Variants in ALMS1 observed in about 807,000 individuals in gnomAD.
The protein encoded by ALMS1 is ALMS1 centrosome and basal body associated protein, also known as centrosome-associated protein ALMS1.
In ALMS1, 271 loss-of-function variants were observed where a neutral mutation model predicts 352.2. The ratio of observed to expected loss-of-function variants is 0.77; its 90% CI spans 0.70 to 0.85. ALMS1 has a LOEUF of 0.85. Among genes scored for constraint, ALMS1 ranks in the 40% least tolerant of loss-of-function variants. ALMS1 has a pLI of 0.00. For synonymous variants in ALMS1, 1,865 were observed against 1,761.2 expected (o/e 1.06, Z -1.48); for missense variants, 5,445 against 4,870.7 (o/e 1.12, Z -3.51).
intron 16 of ALMS1, among the ~76,000 whole-genome samples, chr2:73,594,224 G>A (rs1389773760): frequency 6.8e-6 from 1 of 147,506 alleles, no homozygotes; most frequent in Non-Finnish European, 1.5e-5. Context: ...CCACATCCTA[G>A]TGAACAGTTG....
chr2:73,425,259 AATG>A (rs1274695597), intron 5 of ALMS1, among the ~76,000 whole-genome samples: 3 of 152,320 alleles, frequency 2.0e-5, no homozygotes, highest in Admixed American at 2.0e-4. Flanking sequence ...TTATGAAAGA[AATG>A]AAGAAGGTTT....
intron 13 of ALMS1, among the ~76,000 whole-genome samples, chr2:73,554,469 G>A (rs1467661206): frequency 6.6e-6 from 1 of 151,942 alleles, no homozygotes; most frequent in Non-Finnish European, 1.5e-5. Flanking sequence ...AGTTTGGGGG[G>A]CCAAGGCGGG....
intron 9 of ALMS1, 111 bp downstream of exon 9, chr2:73,455,406 T>G (rs965045991): frequency 2.8e-6 from 4 of 1,419,494 alleles, no homozygotes; most frequent in Non-Finnish European, 3.9e-6. Flanking sequence ...GGCTAAAGCC[T>G]TTTTTGGTTT....
Position 73,544,751 on chromosome 2 carries a change from A to G in ALMS1, c.9908-5516A>G, listed in dbSNP as rs544255732. 5.3e-5 allele frequency among the ~76,000 whole-genome samples: 8 copies of G among 152,328 alleles called. No individual in the cohort carries two copies. In the South Asian group the frequency reaches 1.7e-3, roughly 32 times the overall value. ...AGTAGGATCTTCAAGAGCTATTTGT[A>G]CACCCATGTTCATAACAGCATTATT... On this transcript the variant is annotated intron_variant, in intron 12 of 22. Transcript: ENST00000613296.
chr2:73,579,458 T>C (rs1659218535), intron 16 of ALMS1, among the ~76,000 whole-genome samples: 1 of 152,052 alleles, frequency 6.6e-6, no homozygotes, highest in Admixed American at 6.6e-5. Context: ...CCTCCCGGGT[T>C]CAAGTGATTC....
At chr2:73,601,173 T>C in intron 18 of ALMS1, 22 bp from the exon 19 acceptor site, 1 of 1,613,930 alleles carries the variant, frequency 6.2e-7, no homozygotes, top group Non-Finnish European at 8.5e-7. Flanking sequence ...TCTGTGTTCC[T>C]TCTAAAAACT....
In ALMS1 at chr2:73,503,615, G is replaced by A. The variant is rs199978118; in HGVS notation, c.9539+12117G>A. 6.9e-4 allele frequency among the ~76,000 whole-genome samples: 105 copies of A among 152,302 alleles called. 3 individuals carry two copies. In the East Asian group the frequency reaches 0.019, roughly 27 times the overall value. ...TTATAATCCTTTGGGTATATAGCCAGTAATGGGATGGCTGGGTCAAATGGT... is the reference window on the plus strand; with the variant it reads ...TTATAATCCTTTGGGTATATAGCCAATAATGGGATGGCTGGGTCAAATGGT... On this transcript the variant is annotated intron_variant, in intron 10 of 22. Coordinates refer to ENST00000613296, the MANE Select transcript of ALMS1 (RefSeq NM_001378454.1).
In ALMS1 at chr2:73,550,387, C is replaced by A. The variant is rs1229567246; in HGVS notation, c.10028C>A (p.Thr3343Asn). 1 of 1,614,060 alleles carries A rather than the reference C, an allele frequency of 6.2e-7. No individual in the cohort carries two copies. Among genetic ancestry groups the A allele is most frequent in the Non-Finnish European group, 8.5e-7 (1 of 1,180,026 alleles). Residue 3343 changes from threonine (T) to asparagine (N), a missense_variant, in exon 13 of 23, where the codon ACT (threonine) becomes AAT (asparagine). By Grantham distance (65) the Thr-to-Asn change is moderately conservative. Coordinates refer to ENST00000613296, the MANE Select transcript of ALMS1 (RefSeq NM_001378454.1). ...GGAATCTACAGTAAGAGGGTAGTGA[C>A]TAAGGCATCCTTGCCAGTGGGAGAA... ...KEGIYSKRVV[T>N]KASLPVGEKP... is the part of the protein sequence containing the mutation.
At chr2:73,456,821 C>G (rs1270447153) in intron 9 of ALMS1, 1 of 152,184 alleles carries the variant, frequency 6.6e-6, no homozygotes, top group East Asian at 1.9e-4. Flanking sequence ...GAGCACTATC[C>G]TAGCATCATT....
intron 12 of ALMS1, among the ~76,000 whole-genome samples, chr2:73,536,277 C>G (rs1328125914): frequency 6.6e-6 from 1 of 152,174 alleles, no homozygotes; most frequent in Non-Finnish European, 1.5e-5. Flanking sequence ...TCTGAGGCCT[C>G]CAGTGTCCTG....
intron 13 of ALMS1, among the ~76,000 whole-genome samples, chr2:73,554,724 G>A (rs902082941): frequency 1.8e-4 from 28 of 152,176 alleles, no homozygotes; most frequent in African/African-American, 6.3e-4. Context: ...TCAGCATGGG[G>A]GAGATGGAAG....
intron 17 of ALMS1, 122 bp downstream of exon 17, chr2:73,599,643 T>C (rs748214584): frequency 2.7e-5 from 33 of 1,221,584 alleles, no homozygotes; most frequent in Non-Finnish European, 3.9e-5. Flanking sequence ...ACTGCCAATT[T>C]TCATCTTGTC....
intron 13 of ALMS1, among the ~76,000 whole-genome samples, chr2:73,553,902 A>G (rs1218087571): frequency 6.6e-6 from 1 of 152,196 alleles, no homozygotes; most frequent in African/African-American, 2.4e-5. Context: ...AAGGAAATCA[A>G]TAGATAATTT....
chr2:73,451,236 C>T lies in ALMS1; in HGVS notation c.4709C>T (p.Ser1570Phe), dbSNP rs765461259. Residue 1570 changes from serine (S) to phenylalanine (F), a missense_variant, in exon 8 of 23, where the codon TCC becomes TTC. Coordinates refer to ENST00000613296, the MANE Select transcript of ALMS1 (RefSeq NM_001378454.1). ...TTGIPTITST[S>F]YSFGEKPIVN... The stretch of plus-strand genomic sequence containing the variant: ...GGCATACCAACCATAACCTCTACTT[C>T]CTACTCATTTGGAGAGAAGCCGATT... 2 of 1,613,178 alleles carry T rather than the reference C, an allele frequency of 1.2e-6. No individual in the cohort carries two copies. The highest frequency in any genetic ancestry group is 3.3e-5 in the Admixed American group (2 of 59,902).
intron 9 of ALMS1, 132 bp downstream of exon 9, chr2:73,455,427 A>G (rs1476114033): frequency 6.4e-5 from 75 of 1,172,934 alleles, no homozygotes; most frequent in Non-Finnish European, 8.9e-5. Context: ...TGTTTTTGAG[A>G]CAGTCTTGCT....
chr2:73,578,380 T>G (rs1217519313), intron 16 of ALMS1, among the ~76,000 whole-genome samples: 1 of 152,184 alleles, frequency 6.6e-6, no homozygotes, highest in Admixed American at 6.5e-5. Flanking sequence ...ACATTTAATT[T>G]CATAAGAAAG....
intron 9 of ALMS1, among the ~76,000 whole-genome samples, chr2:73,464,770 A>G (rs1345684573): frequency 1.3e-5 from 2 of 152,168 alleles, no homozygotes; most frequent in Non-Finnish European, 2.9e-5. Flanking sequence ...AAATCAATGT[A>G]CAAAAATCAC....
intron 1 of ALMS1, among the ~76,000 whole-genome samples, chr2:73,400,534 G>T (rs771010472): frequency 1.3e-5 from 2 of 152,112 alleles, no homozygotes; most frequent in Admixed American, 1.3e-4. Flanking sequence ...CTCCTTCAGG[G>T]TTTGGTAGCA....
At chr2:73,433,799 G>T (rs1671557626) in intron 7 of ALMS1, among the ~76,000 whole-genome samples, 2 of 152,080 alleles carry the variant, frequency 1.3e-5, no homozygotes. Flanking sequence ...CTTGCCATAA[G>T]TCTATTTAGA....
Sources: allele counts gnomAD v4.1 joint callset (sites outside exome capture counted in the v4.1 genomes callset), GRCh38; gene constraint gnomAD v4.1.1; transcripts MANE v1.5; gene names NCBI Gene and HGNC (gene_info 2026-07-23, HGNC 2026-07-21).